The following STS variants were observed in gnomAD, a reference collection of about 807,000 sequenced individuals.
STS encodes steryl-sulfatase.
A neutral mutation model predicts 26.8 loss-of-function variants in STS; 7 were observed. That is an observed-to-expected ratio of 0.26 (90% CI 0.15 to 0.49). The LOEUF (loss-of-function observed/expected upper bound fraction) is 0.49. STS is among the 20% of genes least tolerant of loss of function. The probability of loss-of-function intolerance (pLI) is 0.98; values close to 1 mark genes in which losing one functional copy is unlikely to be tolerated. For synonymous variants in STS, 199 were observed against 189.4 expected, an observed-to-expected ratio of 1.05 and a Z score of -0.42; for missense variants, 434 against 465.6, an observed-to-expected ratio of 0.93 and a Z score of 0.63.
chrX:7,338,002 A>C (rs1928112780), intron 10 of STS, among the ~76,000 whole-genome samples: 1 of 112,215 alleles, frequency 8.9e-6, no homozygotes, highest in Non-Finnish European at 1.9e-5. Context: ...TGTCTTCGCT[A>C]TAATTTAGTT....
intron 1 of STS, among the ~76,000 whole-genome samples, chrX:7,186,884 G>T (rs1258444290): frequency 1.8e-5 from 2 of 111,585 alleles, no homozygotes; most frequent in Non-Finnish European, 3.8e-5. Context: ...GTCAACACTT[G>T]CAGGGGAGTG....
chrX:7,224,299 A>T (rs1921707392), intron 2 of STS, among the ~76,000 whole-genome samples: 1 of 111,785 alleles, frequency 8.9e-6, no homozygotes, highest in Non-Finnish European at 1.9e-5. Context: ...AGCACTAAGC[A>T]CAGGGGTAGG....
chrX:7,333,710 A>G (rs1184995658), intron 9 of STS, among the ~76,000 whole-genome samples: 1 of 112,610 alleles, frequency 8.9e-6, no homozygotes, highest in Non-Finnish European at 1.9e-5. Flanking sequence ...TACTCGTCCC[A>G]TGACCTTGGG....
intron 2 of STS, among the ~76,000 whole-genome samples, chrX:7,213,522 C>G (rs1454895952): frequency 2.7e-5 from 3 of 111,622 alleles, no homozygotes; most frequent in African/African-American, 9.8e-5. Context: ...AAGACCTTGT[C>G]TTTGTAAATT....
In STS at chrX:7,290,138, G is replaced by C. The variant is rs1925340960; in HGVS notation, c.943+14051G>C. The stretch of plus-strand genomic sequence containing the variant: ...TGAAGAGAAGACATTTCTATCCCAT[G>C]AATGAATGCATACTTAATTGAAAGC... On this transcript the variant is annotated intron_variant, in intron 7 of 10. Coordinates refer to ENST00000674429, the MANE Select transcript of STS (RefSeq NM_001320752.2). Among the ~76,000 whole-genome samples, 3 of 111,874 alleles carry C rather than the reference G, an allele frequency of 2.7e-5. No individual in the cohort carries two copies. In the Admixed American group the frequency reaches 2.9e-4, roughly 11 times the overall value.
At chrX:7,297,919 T>G (rs1925745162) in intron 7 of STS, among the ~76,000 whole-genome samples, 1 of 111,489 alleles carries the variant, frequency 9.0e-6, no homozygotes, top group African/African-American at 3.3e-5. Flanking sequence ...GTTCCTTAGT[T>G]CCTGCAACTC....
chrX:7,243,682 C>T (rs1300195320), intron 2 of STS, among the ~76,000 whole-genome samples: 2 of 111,501 alleles, frequency 1.8e-5, no homozygotes, highest in Non-Finnish European at 3.8e-5. Context: ...TGGTGATCTG[C>T]GTTTGCTTTT....
chrX:7,219,153 A>G (rs1464566577), intron 2 of STS, among the ~76,000 whole-genome samples: 2 of 112,153 alleles, frequency 1.8e-5, no homozygotes, highest in African/African-American at 6.5e-5. Context: ...ATTGACCCAG[A>G]CTGAAGACAG....
intron 9 of STS, 97 bp downstream of exon 9, chrX:7,325,595 T>A: frequency 1.9e-6 from 2 of 1,032,468 alleles, no homozygotes; most frequent in Non-Finnish European, 2.7e-6. Context: ...ACCAAGGCCT[T>A]TGGCCCCCTG....
upstream of STS, among the ~76,000 whole-genome samples, chrX:7,147,654 G>A (rs1932897369): frequency 8.9e-6 from 1 of 112,129 alleles, no homozygotes. Context: ...GCTGGGCACC[G>A]CTCAAGGTCG....
chrX:7,244,294 C>T (rs1196689071), intron 2 of STS, among the ~76,000 whole-genome samples: 1 of 111,911 alleles, frequency 8.9e-6, no homozygotes, highest in Non-Finnish European at 1.9e-5. Context: ...CCTTGAAGAG[C>T]CTTTTTGGAG....
intron 10 of STS, among the ~76,000 whole-genome samples, chrX:7,336,888 G>T (rs1030237498): frequency 4.5e-5 from 5 of 111,822 alleles, no homozygotes; most frequent in South Asian, 3.8e-4. Flanking sequence ...ATGTGGAGGA[G>T]TAAAGAGAAA....
intron 1 of STS, among the ~76,000 whole-genome samples, chrX:7,179,769 G>A (rs1210179532): frequency 8.9e-6 from 1 of 111,988 alleles, no homozygotes; most frequent in Non-Finnish European, 1.9e-5. Flanking sequence ...CAGAGGGTGC[G>A]GGTGGAAGAA....
In STS at chrX:7,246,193, T is replaced by C. The variant is rs968856264; in HGVS notation, c.-4-7003T>C. On this transcript the variant is annotated intron_variant, in intron 2 of 10. Transcript: ENST00000674429. Reference sequence around the variant, plus strand: ...TGAGCCTAGCCGTAAAAAAACCCGTTCACAAGATAAGCCATTGTTCGCTCT... The same window carrying C: ...TGAGCCTAGCCGTAAAAAAACCCGTCCACAAGATAAGCCATTGTTCGCTCT... Among the ~76,000 whole-genome samples the C allele has an allele frequency of 2.7e-5, 3 of 111,646 alleles. No individual in the cohort carries two copies. In the Admixed American group the frequency reaches 2.9e-4, roughly 11 times the overall value.
chrX:7,154,027 C>T (rs1933083773), intron 1 of STS, among the ~76,000 whole-genome samples: 1 of 110,520 alleles, frequency 9.0e-6, no homozygotes, highest in Non-Finnish European at 1.9e-5. Flanking sequence ...CTGACATTTC[C>T]TCTGGCGTAG....
intron 7 of STS, among the ~76,000 whole-genome samples, chrX:7,301,264 C>T (rs1268729627): frequency 1.8e-5 from 2 of 109,384 alleles, no homozygotes; most frequent in Non-Finnish European, 3.8e-5. Flanking sequence ...TGGTGATACT[C>T]ACCTGTAGTC....
chrX:7,234,274 G>A (rs1308360621), intron 2 of STS, among the ~76,000 whole-genome samples: 3 of 112,121 alleles, frequency 2.7e-5, no homozygotes, highest in African/African-American at 9.7e-5. Context: ...CCCTCAGGGG[G>A]CAGAATAACA....
chrX:7,186,079 A>G (rs776379398), intron 1 of STS, among the ~76,000 whole-genome samples: 2 of 112,403 alleles, frequency 1.8e-5, no homozygotes, highest in East Asian at 5.6e-4. Flanking sequence ...ACAAGAGCCA[A>G]TTCTCCTTAG....
Position 7,345,090 on chromosome X carries a change from C to G in STS, c.1364-4798C>G, listed in dbSNP as rs751329704. On this transcript the variant is annotated intron_variant, in intron 10 of 10. Coordinates refer to ENST00000674429, the MANE Select transcript of STS (RefSeq NM_001320752.2). ...CCCTTGGGATAAAGACAGAATGAGG[C>G]CTTCGAGGACGTTGTTAAAATTTGT... Among the ~76,000 whole-genome samples the G allele has an allele frequency of 2.7e-5, 3 of 111,044 alleles. No individual in the cohort carries two copies. The East Asian group carries it at 8.5e-4, about 32-fold the overall frequency.
Sources: allele counts gnomAD v4.1 joint callset (sites outside exome capture counted in the v4.1 genomes callset), GRCh38; gene constraint gnomAD v4.1.1; transcripts MANE v1.5; gene names NCBI Gene and HGNC (gene_info 2026-07-23, HGNC 2026-07-21).